The following RTL4 variants were observed in gnomAD, a reference collection of about 807,000 sequenced individuals.
The protein encoded by RTL4 is retrotransposon Gag-like protein 4.
In RTL4, 4 loss-of-function variants were observed where a neutral mutation model predicts 5.3. The observed-to-expected ratio is 0.75, with a 90% CI of 0.37 to 1.72. The LOEUF (loss-of-function observed/expected upper bound fraction) is 1.72. Ranked by LOEUF, RTL4 falls within the 40% of genes most tolerant of loss-of-function variation. RTL4 has a pLI of 0.04. For missense variants in RTL4, 260 were observed against 227.1 expected, an observed-to-expected ratio of 1.14 and a Z score of -0.93; for synonymous variants, 98 against 87.3, an observed-to-expected ratio of 1.12 and a Z score of -0.68.
the RTL4 span, among the ~76,000 whole-genome samples, chrX:112,316,807 A>G: frequency 9.0e-6 from 1 of 111,629 alleles, no homozygotes; most frequent in Non-Finnish European, 1.9e-5. Flanking sequence ...AATGACACTA[A>G]TTTGTTCCTG....
the RTL4 span, among the ~76,000 whole-genome samples, chrX:112,212,476 G>A: frequency 8.9e-6 from 1 of 112,767 alleles, no homozygotes; most frequent in Non-Finnish European, 1.9e-5. Flanking sequence ...ATTAGGACAA[G>A]GCCTAGTGGC....
At chrX:112,329,093 A>G in the RTL4 span, among the ~76,000 whole-genome samples, 1 of 110,791 alleles carries the variant, frequency 9.0e-6, no homozygotes, top group Non-Finnish European at 1.9e-5. Flanking sequence ...ATCACAATTA[A>G]AAGAACTAGA....
At chrX:112,343,478 G>C in the RTL4 span, among the ~76,000 whole-genome samples, 1 of 112,106 alleles carries the variant, frequency 8.9e-6, no homozygotes, top group East Asian at 2.8e-4. Flanking sequence ...CAGCACCATG[G>C]AATGTTCATA....
the RTL4 span, among the ~76,000 whole-genome samples, chrX:112,359,285 G>A: frequency 9.0e-6 from 1 of 110,951 alleles, no homozygotes; most frequent in Non-Finnish European, 1.9e-5. Flanking sequence ...CTTACTTTTT[G>A]CTATGAACAA....
At chrX:112,410,160 G>A in the RTL4 span, among the ~76,000 whole-genome samples, 3,065 of 111,813 alleles carry the variant, frequency 0.027, 108 homozygotes, top group African/African-American at 0.095. Flanking sequence ...TAAAGGGGTC[G>A]ATTCAGCAAG....
the RTL4 span, among the ~76,000 whole-genome samples, chrX:112,397,361 ATAT>A: frequency 2.7e-5 from 3 of 111,820 alleles, no homozygotes; most frequent in African/African-American, 6.5e-5. Context: ...CTTTATTTTT[ATAT>A]TATTATCATT....
chrX:112,444,065 A>T, the RTL4 span, among the ~76,000 whole-genome samples: 1 of 111,916 alleles, frequency 8.9e-6, no homozygotes, highest in South Asian at 3.7e-4. Context: ...TAGTGGTTTC[A>T]TAGTTTGAGG....
the RTL4 span, among the ~76,000 whole-genome samples, chrX:112,250,469 A>G: frequency 4.5e-5 from 5 of 111,398 alleles, no homozygotes; most frequent in Non-Finnish European, 9.4e-5. Context: ...CCAACAGATG[A>G]GTGAGGATGT....
At chrX:112,096,297 T>A in the RTL4 span, among the ~76,000 whole-genome samples, 1 of 112,363 alleles carries the variant, frequency 8.9e-6, no homozygotes, top group African/African-American at 3.2e-5. Flanking sequence ...GGTTCTACTT[T>A]ACAGAAGGCT....
the RTL4 span, among the ~76,000 whole-genome samples, chrX:112,220,441 C>T: frequency 8.9e-6 from 1 of 112,723 alleles, no homozygotes; most frequent in East Asian, 2.8e-4. Context: ...TTTTCCCTCC[C>T]AAGCCTCTGG....
chrX:112,097,896 G>A, the RTL4 span, among the ~76,000 whole-genome samples: 1 of 111,012 alleles, frequency 9.0e-6, no homozygotes, highest in South Asian at 3.9e-4. Flanking sequence ...ATTTGGCCCT[G>A]GCTATTGGTC....
chrX:112,416,174 T>G, the RTL4 span, among the ~76,000 whole-genome samples: 2 of 111,682 alleles, frequency 1.8e-5, no homozygotes, highest in Non-Finnish European at 3.8e-5. Flanking sequence ...TGTGTTTGTC[T>G]GTGCATATGT....
the RTL4 span, among the ~76,000 whole-genome samples, chrX:112,354,570 T>C: frequency 8.9e-6 from 1 of 111,839 alleles, no homozygotes; most frequent in African/African-American, 3.2e-5. Flanking sequence ...TCTGTGTCTC[T>C]AGAATATTGC....
the RTL4 span, among the ~76,000 whole-genome samples, chrX:112,291,404 ACACACATG>A: frequency 9.3e-6 from 1 of 108,029 alleles, no homozygotes; most frequent in African/African-American, 3.4e-5. Context: ...ACACACACAC[ACACACATG>A]CACACATTGA....
chrX:112,359,198 G>A, the RTL4 span, among the ~76,000 whole-genome samples: 1 of 111,665 alleles, frequency 9.0e-6, no homozygotes, highest in Non-Finnish European at 1.9e-5. Flanking sequence ...GGTTACATGA[G>A]ATATTTTGAT....
chrX:112,243,027 C>T, the RTL4 span, among the ~76,000 whole-genome samples: 160 of 111,345 alleles, frequency 1.4e-3, 1 homozygote, highest in Non-Finnish European at 2.8e-3. Context: ...AGCCTTGCAT[C>T]CCAGGGATGA....
the RTL4 span, among the ~76,000 whole-genome samples, chrX:112,090,076 G>A: frequency 5.4e-5 from 6 of 110,565 alleles, no homozygotes; most frequent in African/African-American, 1.3e-4. Context: ...ACAAATGATC[G>A]TGTACTCTGC....
At chrX:112,446,014 G>A in the RTL4 span, among the ~76,000 whole-genome samples, 1 of 111,310 alleles carries the variant, frequency 9.0e-6, no homozygotes, top group East Asian at 2.8e-4. Flanking sequence ...TAATAGTAAC[G>A]GTGCAGAAGG....
the RTL4 span, among the ~76,000 whole-genome samples, chrX:112,223,973 C>T: frequency 8.9e-6 from 1 of 111,931 alleles, no homozygotes; most frequent in Non-Finnish European, 1.9e-5. Flanking sequence ...TCCTGGTCAA[C>T]TGGTTCAATT....
Sources: gnomAD v4.1 joint callset for allele counts (sites outside exome capture counted in the v4.1 genomes callset) on GRCh38, gnomAD v4.1.1 for gene constraint, MANE v1.5 for transcripts, NCBI Gene and HGNC (gene_info 2026-07-23, HGNC 2026-07-21) for gene names.